SNRPN: variants seen among roughly 807,000 people sequenced by gnomAD.
SNRPN encodes small nuclear ribonucleoprotein-associated protein N.
Under a neutral mutation model 25.2 loss-of-function variants are expected in SNRPN, and 7 were observed. The ratio of observed to expected loss-of-function variants is 0.28; its 90% CI spans 0.16 to 0.52. The LOEUF is 0.52. Ranked by LOEUF, SNRPN falls within the 20% of genes least tolerant of loss-of-function variation. The pLI is 0.96. For synonymous variants in SNRPN, 124 were observed against 110.6 expected (o/e 1.12, Z -0.76); for missense variants, 196 against 322.5 (o/e 0.61, Z 3.00).
At position 24,929,778 on chromosome 15, in the gene SNRPN, T is replaced by C. The variant is rs1342310155; in HGVS notation, c.-391+9654T>C. Among the ~76,000 whole-genome samples, 2 of 152,226 alleles carry C rather than the reference T, an allele frequency of 1.3e-5. No individual in the cohort carries two copies. The highest frequency in any genetic ancestry group is 6.5e-5 in the Admixed American group (1 of 15,280). ...GTCCATGTGATGATTTTTCTGTCAG[T>C]ATCAGTTTCTGCAAGAGCAAAAATT... On this transcript the variant is annotated intron_variant, in intron 3 of 11. Transcript: ENST00000400097. The surrounding 1 kb of genome is among the most constrained non-coding windows in gnomAD (Gnocchi z 5.3).
intron 1 of SNRPN, among the ~76,000 whole-genome samples, chr15:24,858,947 A>C (rs980340536): frequency 4.6e-5 from 7 of 151,764 alleles, no homozygotes; most frequent in Non-Finnish European, 1.0e-4. Flanking sequence ...TATCAGTACC[A>C]GCTCACATTC....
intron 3 of SNRPN, among the ~76,000 whole-genome samples, chr15:24,946,820 A>G (rs2061922388): frequency 6.6e-6 from 1 of 152,156 alleles, no homozygotes; most frequent in Non-Finnish European, 1.5e-5. Context: ...TTATGGATCT[A>G]GTCCTGAATC....
chr15:24,833,259 C>G (rs566848969), intron 2 of SNRPN, among the ~76,000 whole-genome samples: 1 of 151,968 alleles, frequency 6.6e-6, no homozygotes, highest in South Asian at 2.1e-4. Flanking sequence ...CTCCTGCTAA[C>G]AGTAGATACT....
chr15:24,910,342 G>T (rs576706654), intron 2 of SNRPN, among the ~76,000 whole-genome samples: 1 of 152,118 alleles, frequency 6.6e-6, no homozygotes, highest in African/African-American at 2.4e-5. Flanking sequence ...GATTAGCTGG[G>T]CATGGTGGCA....
Position 24,975,507 on chromosome 15 carries a change from C to T in SNRPN, c.153C>T (p.Ile51=). The T allele has an allele frequency of 6.2e-7, 1 of 1,612,732 alleles. No homozygotes were observed. The highest frequency in any genetic ancestry group is 8.5e-7 in the Non-Finnish European group (1 of 1,179,208). The change falls in exon 5 of 10, where the codon ATC becomes ATT. Residue 51 remains isoleucine (I), a splice_region_variant and synonymous_variant. Transcript: ENST00000390687. ...GTGATTGTGATGAGTTCAGAAAGAT[C>T]AAGTAAGGCTGATTTGGGCAAATGG... ...ILCDCDEFRK[I]KPKNAKQPER... is the part of the protein sequence containing the mutation.
At chr15:24,841,679 T>C (rs1423072691) in intron 2 of SNRPN, among the ~76,000 whole-genome samples, 1 of 152,140 alleles carries the variant, frequency 6.6e-6, no homozygotes, top group East Asian at 1.9e-4. Flanking sequence ...GTGGCAGTGT[T>C]CCTTTATCAA....
At chr15:24,962,051 A>G in intron 1 of SNRPN, 63 bp from the exon 2 acceptor site, 2 of 1,312,258 alleles carry the variant, frequency 1.5e-6, no homozygotes, top group East Asian at 4.6e-5. Context: ...TATAACCTTG[A>G]CAAATAGTTA....
At chr15:24,853,550 C>T (rs909221848), upstream of SNRPN, among the ~76,000 whole-genome samples, 14 of 152,102 alleles carry the variant, frequency 9.2e-5, 1 homozygote, top group Admixed American at 8.5e-4. Context: ...CCCGCCACCA[C>T]GCCCAGCTAA....
At chr15:24,948,402 G>T (rs929874552) in intron 3 of SNRPN, among the ~76,000 whole-genome samples, 1 of 152,026 alleles carries the variant, frequency 6.6e-6, no homozygotes, top group Non-Finnish European at 1.5e-5. Context: ...GTGAGCCACC[G>T]CACCTGGCCT....
intron 1 of SNRPN, among the ~76,000 whole-genome samples, chr15:24,881,584 G>C (rs1024138974): frequency 0.12 from 6,916 of 57,814 alleles, 498 homozygotes; most frequent in African/African-American, 0.14. Flanking sequence ...AGGGAGGGAG[G>C]GAGAGAGAGA....
rs116160735 is a variant in SNRPN at position 24,828,928 on chromosome 15, A to G, written c.-686-870A>G. 3.8e-3 allele frequency among the ~76,000 whole-genome samples: 572 copies of G among 152,132 alleles called. 7 individuals carry two copies. The highest frequency in any genetic ancestry group is 0.013 in the African/African-American group (538 of 41,460). On this transcript the variant is annotated intron_variant, in intron 1 of 12. Coordinates refer to the SNRPN transcript ENST00000400100. ...GCTAAGCAGTGGACTAAGGATGGGGAGGCTGGAGAAGAGGCTGAGGGGAGT... is the reference window on the plus strand; with the variant it reads ...GCTAAGCAGTGGACTAAGGATGGGGGGGCTGGAGAAGAGGCTGAGGGGAGT...
chr15:24,942,897 G>A (rs187207240), intron 3 of SNRPN, among the ~76,000 whole-genome samples: 152 of 152,236 alleles, frequency 1.0e-3, no homozygotes, highest in Middle Eastern at 3.4e-3. Context: ...TGGCCACTTC[G>A]TTTATAATCC....
At chr15:24,902,396 T>TA (rs150041079) in intron 2 of SNRPN, among the ~76,000 whole-genome samples, 20,700 of 152,010 alleles carry the variant, frequency 0.14, 1,501 homozygotes, top group Admixed American at 0.19. Flanking sequence ...AGTAGTAACT[T>TA]AAAAAAATAT....
chr15:24,956,530 G>T (rs2062933163), intron 1 of SNRPN, among the ~76,000 whole-genome samples: 1 of 152,210 alleles, frequency 6.6e-6, no homozygotes, highest in South Asian at 2.1e-4. Flanking sequence ...CTTGGGAAAG[G>T]ATGCAGGTTG....
At chr15:24,948,242 T>A (rs1048690660) in intron 3 of SNRPN, among the ~76,000 whole-genome samples, 1 of 152,074 alleles carries the variant, frequency 6.6e-6, no homozygotes, top group Non-Finnish European at 1.5e-5. Flanking sequence ...GCCTCCTGAG[T>A]AGCTGGGACT....
chr15:24,844,680 A>G (rs2052029716), intron 2 of SNRPN, among the ~76,000 whole-genome samples: 1 of 151,852 alleles, frequency 6.6e-6, no homozygotes, highest in Non-Finnish European at 1.5e-5. Flanking sequence ...ACCCTCTATC[A>G]TGCCCGGCTA....
At chr15:24,940,033 A>C (rs909387204) in intron 3 of SNRPN, among the ~76,000 whole-genome samples, 1 of 151,746 alleles carries the variant, frequency 6.6e-6, no homozygotes, top group African/African-American at 2.4e-5. Context: ...CCTGTGATTC[A>C]CTCACCTTGG....
chr15:24,933,354 A>G (rs1300957161), intron 3 of SNRPN, among the ~76,000 whole-genome samples: 1 of 150,948 alleles, frequency 6.6e-6, no homozygotes, highest in East Asian at 2.0e-4. Flanking sequence ...AAAAAAAAAA[A>G]CAATCAGACA....
At chr15:24,959,890 G>T (rs182851399) in intron 1 of SNRPN, among the ~76,000 whole-genome samples, 1 of 152,126 alleles carries the variant, frequency 6.6e-6, no homozygotes, top group Admixed American at 6.6e-5. Context: ...CTTAGCCCTC[G>T]TATATGCCAG....
Sources: allele counts gnomAD v4.1 joint callset (sites outside exome capture counted in the v4.1 genomes callset), GRCh38; gene constraint gnomAD v4.1.1; non-coding constraint Gnocchi (gnomAD v3.1); transcripts MANE v1.5; gene names NCBI Gene and HGNC (gene_info 2026-07-23, HGNC 2026-07-21).